Variants in PIK3C2G observed in about 807,000 individuals in gnomAD.
PIK3C2G encodes the protein phosphatidylinositol-4-phosphate 3-kinase catalytic subunit type 2 gamma.
PIK3C2G carries 168 observed loss-of-function variants against 181.1 expected under a neutral mutation model. That is an observed-to-expected ratio of 0.93 (90% CI 0.82 to 1.05). The LOEUF (loss-of-function observed/expected upper bound fraction) is 1.05. PIK3C2G is among the 50% of genes least tolerant of loss of function. The pLI, the probability that PIK3C2G is intolerant of heterozygous loss-of-function variation, is 0.00. For missense variants in PIK3C2G, 1,869 were observed against 1,732.8 expected, an observed-to-expected ratio of 1.08 and a Z score of -1.40; for synonymous variants, 573 against 592.2, an observed-to-expected ratio of 0.97 and a Z score of 0.47.
chr12:18,478,763 C>T (rs1277662107), intron 18 of PIK3C2G, among the ~76,000 whole-genome samples: 1 of 151,998 alleles, frequency 6.6e-6, no homozygotes, highest in East Asian at 1.9e-4. Flanking sequence ...TCGCTTGAGC[C>T]CAAGAGTTCC....
the PIK3C2G span, chr12:18,692,707 CTT>C: frequency 2.6e-6 from 2 of 772,172 alleles, no homozygotes; most frequent in Admixed American, 5.0e-5. Flanking sequence ...CAAATACAGA[CTT>C]TGAATCATCA....
intron 16 of PIK3C2G, among the ~76,000 whole-genome samples, chr12:18,402,342 A>G (rs1188913967): frequency 2.0e-5 from 3 of 152,148 alleles, no homozygotes; most frequent in African/African-American, 7.2e-5. Context: ...ACAGACAGAA[A>G]GTAAATTAGC....
At chr12:18,599,579 CA>C (rs1396588691) in intron 30 of PIK3C2G, among the ~76,000 whole-genome samples, 1 of 151,608 alleles carries the variant, frequency 6.6e-6, no homozygotes, top group Non-Finnish European at 1.5e-5. Context: ...AGCACACCAG[CA>C]TGGCACATGT....
intron 32 of PIK3C2G, among the ~76,000 whole-genome samples, chr12:18,641,567 A>G (rs1452706690): frequency 1.3e-5 from 2 of 151,298 alleles, no homozygotes; most frequent in Non-Finnish European, 2.9e-5. Context: ...ATTTTCCTTC[A>G]TTGTTATTCT....
At chr12:18,510,173 G>C (rs1032443415) in intron 24 of PIK3C2G, among the ~76,000 whole-genome samples, 1 of 152,242 alleles carries the variant, frequency 6.6e-6, no homozygotes, top group South Asian at 2.1e-4. Context: ...GTCTCACCAT[G>C]TTGCCCAGGC....
At chr12:18,582,327 G>A (rs1439966147) in intron 29 of PIK3C2G, among the ~76,000 whole-genome samples, 1 of 152,124 alleles carries the variant, frequency 6.6e-6, no homozygotes, top group East Asian at 1.9e-4. Context: ...GAAATGGTAA[G>A]TGAGTGAGCA....
At position 18,351,536 on chromosome 12, in the gene PIK3C2G, A is replaced by G. The variant is rs369184728; in HGVS notation, c.1625+4700A>G. 3.9e-5 allele frequency among the ~76,000 whole-genome samples: 6 copies of G among 152,290 alleles called. 1 individual carries two copies. The South Asian group carries it at 6.2e-4, about 16-fold the overall frequency. On this transcript the variant is annotated intron_variant, in intron 11 of 32. Transcript: ENST00000538779. ...AGTTTTGCTGATTTATCCTCATCAT[A>G]GTACTTACTATTAACTGAGCACATT...
At chr12:18,346,977 T>TA in intron 11 of PIK3C2G, 141 bp downstream of exon 11, 1 of 435,444 alleles carries the variant, frequency 2.3e-6, no homozygotes, top group Non-Finnish European at 4.0e-6. Context: ...TCCATATTCT[T>TA]AAAATCACAT....
At chr12:18,703,886 AGGGC>A in the PIK3C2G span, among the ~76,000 whole-genome samples, 1 of 152,182 alleles carries the variant, frequency 6.6e-6, no homozygotes, top group South Asian at 2.1e-4. Flanking sequence ...GAAAATACAG[AGGGC>A]AATACCCAAA....
chr12:18,441,278 T>C (rs988306315), intron 18 of PIK3C2G, among the ~76,000 whole-genome samples: 2 of 152,066 alleles, frequency 1.3e-5, no homozygotes, highest in African/African-American at 4.8e-5. Context: ...GATGGGAATA[T>C]ATTGAAGAGT....
intron 1 of PIK3C2G, among the ~76,000 whole-genome samples, chr12:18,274,583 T>C (rs377113634): frequency 2.0e-5 from 3 of 151,896 alleles, no homozygotes; most frequent in African/African-American, 2.4e-5. Context: ...TGTTCTCACT[T>C]ATAGGTGGGA....
At chr12:18,534,421 A>G (rs1037079740) in intron 24 of PIK3C2G, among the ~76,000 whole-genome samples, 3 of 152,056 alleles carry the variant, frequency 2.0e-5, no homozygotes, top group Non-Finnish European at 4.4e-5. Flanking sequence ...AAATAATAAT[A>G]ACTTCAGGGA....
intron 24 of PIK3C2G, among the ~76,000 whole-genome samples, chr12:18,530,624 C>G (rs149707695): frequency 6.6e-6 from 1 of 152,162 alleles, no homozygotes. Flanking sequence ...CCACCCAAAT[C>G]TCACGTTGAA....
In PIK3C2G at chr12:18,391,159, C is replaced by T. The variant is rs1214414372; in HGVS notation, c.2033C>T (p.Pro678Leu). The change falls in exon 15 of 33, where the codon CCT becomes CTT. Residue 678 changes from proline to leucine, a missense_variant. Coordinates refer to ENST00000538779, the MANE Select transcript of PIK3C2G (RefSeq NM_001288772.2). Reference protein sequence around the residue: ...FPATGWEYMKPDSEENRSNLE... With the variant: ...FPATGWEYMKLDSEENRSNLE... ...GCTACTGGGTGGGAGTATATGAAAC[C>T]TGATTCTGAAGAGAATAGAAGTAAT... The T allele has an allele frequency of 6.2e-7, 1 of 1,607,788 alleles. No individual in the cohort carries two copies. Among genetic ancestry groups the T allele is most frequent in the Non-Finnish European group, 8.5e-7 (1 of 1,176,602 alleles).
chr12:18,549,563 T>G (rs1173539670), intron 26 of PIK3C2G, among the ~76,000 whole-genome samples: 4 of 151,994 alleles, frequency 2.6e-5, no homozygotes, highest in Non-Finnish European at 5.9e-5. Flanking sequence ...GAACGTTCTC[T>G]ATGCTCAAAA....
chr12:18,586,420 C>T (rs1946782735), intron 29 of PIK3C2G, among the ~76,000 whole-genome samples: 1 of 152,066 alleles, frequency 6.6e-6, no homozygotes, highest in Non-Finnish European at 1.5e-5. Flanking sequence ...AAAATACAGA[C>T]AACCATCAGA....
the PIK3C2G span, among the ~76,000 whole-genome samples, chr12:18,675,194 TACAGTC>T: frequency 8.5e-5 from 13 of 152,190 alleles, no homozygotes; most frequent in Non-Finnish European, 1.9e-4. Flanking sequence ...TCTAGATGGC[TACAGTC>T]ACATGAGTAA....
At chr12:18,433,214 T>C (rs976824324) in intron 18 of PIK3C2G, among the ~76,000 whole-genome samples, 2 of 152,156 alleles carry the variant, frequency 1.3e-5, no homozygotes, top group East Asian at 1.9e-4. Flanking sequence ...GTCTAATTGA[T>C]ATTTAAAACA....
At chr12:18,461,735 T>C (rs1168247556) in intron 18 of PIK3C2G, among the ~76,000 whole-genome samples, 3 of 152,208 alleles carry the variant, frequency 2.0e-5, no homozygotes, top group Non-Finnish European at 4.4e-5. Context: ...AAAGATGCCA[T>C]CTGTGAACCA....
Sources: allele counts gnomAD v4.1 joint callset (sites outside exome capture counted in the v4.1 genomes callset), GRCh38; gene constraint gnomAD v4.1.1; transcripts MANE v1.5; gene names NCBI Gene and HGNC (gene_info 2026-07-23, HGNC 2026-07-21).